SPOCK1: variants seen among roughly 807,000 people sequenced by gnomAD.
The protein encoded by SPOCK1 is SPARC (osteonectin), cwcv and kazal like domains proteoglycan 1, also known as testican-1.
SPOCK1 carries 23 observed loss-of-function variants against 55.3 expected under a neutral mutation model. The observed-to-expected ratio is 0.42, with a 90% CI of 0.30 to 0.59. The LOEUF is 0.59. SPOCK1 is among the 20% of genes least tolerant of loss of function. The pLI, the probability that SPOCK1 is intolerant of heterozygous loss-of-function variation, is 0.22. For missense variants in SPOCK1, 499 were observed against 552.5 expected (o/e 0.90, Z 0.97); for synonymous variants, 226 against 221.0 (o/e 1.02, Z -0.20).
intron 2 of SPOCK1, among the ~76,000 whole-genome samples, chr5:137,272,173 C>A (rs571781337): frequency 2.6e-5 from 4 of 152,260 alleles, no homozygotes; most frequent in South Asian, 2.1e-4. Context: ...AAAACTGCAA[C>A]CTTTAGAAAG....
chr5:137,422,333 C>T (rs1389229884), intron 2 of SPOCK1, among the ~76,000 whole-genome samples: 2 of 152,166 alleles, frequency 1.3e-5, no homozygotes, highest in Non-Finnish European at 2.9e-5. Flanking sequence ...TGTTGGCCTG[C>T]CTTGCTAGAT....
At chr5:137,285,637 A>T (rs1420512549) in intron 2 of SPOCK1, among the ~76,000 whole-genome samples, 3 of 152,238 alleles carry the variant, frequency 2.0e-5, no homozygotes, top group African/African-American at 7.2e-5. Flanking sequence ...TGAGGTTTCT[A>T]CTTAAAGACA....
At chr5:137,393,057 C>A (rs1751760246) in intron 2 of SPOCK1, among the ~76,000 whole-genome samples, 1 of 152,132 alleles carries the variant, frequency 6.6e-6, no homozygotes, top group Non-Finnish European at 1.5e-5. Flanking sequence ...CAATACATAC[C>A]CTTTGTCTTA....
intron 9 of SPOCK1, among the ~76,000 whole-genome samples, chr5:136,981,921 A>G (rs764885079): frequency 2.0e-5 from 3 of 152,212 alleles, no homozygotes; most frequent in Non-Finnish European, 2.9e-5. Context: ...GTTTTAGTCA[A>G]CAATAGACTG....
chr5:137,322,432 A>C (rs1363573181), intron 2 of SPOCK1, among the ~76,000 whole-genome samples: 1 of 152,168 alleles, frequency 6.6e-6, no homozygotes, highest in African/African-American at 2.4e-5. Context: ...TAACAATGGT[A>C]GGTAAATCAC....
intron 4 of SPOCK1, among the ~76,000 whole-genome samples, chr5:137,115,177 C>T (rs1027581550): frequency 8.6e-5 from 13 of 151,948 alleles, no homozygotes; most frequent in African/African-American, 2.2e-4. Flanking sequence ...TGTAGGGTGG[C>T]GGGGTCGGTG....
intron 3 of SPOCK1, among the ~76,000 whole-genome samples, chr5:137,145,426 T>C (rs773454417): frequency 3.9e-5 from 6 of 152,222 alleles, no homozygotes; most frequent in Non-Finnish European, 7.3e-5. Context: ...GCACTCTTCT[T>C]GAGCACATCC....
intron 2 of SPOCK1, among the ~76,000 whole-genome samples, chr5:137,479,625 C>T (rs116301812): frequency 1.4e-3 from 208 of 152,346 alleles, no homozygotes; most frequent in African/African-American, 4.8e-3. Flanking sequence ...GGCCCCACAG[C>T]ACACTCTTCC....
rs147303002 is a variant in SPOCK1 at position 137,309,228 on chromosome 5, G to A, written c.187-42173C>T. On this transcript the variant is annotated intron_variant, in intron 2 of 10. Transcript: ENST00000394945. ...TGTAACACTGAGAGACTCCCAAGGG[G>A]AACAGCTTTCCAAACTGGTTCCTGG... Among the ~76,000 whole-genome samples, 536 of 152,264 alleles carry A rather than the reference G, an allele frequency of 3.5e-3. 4 individuals carry two copies. The highest frequency in any genetic ancestry group is 6.6e-3 in the Non-Finnish European group (447 of 68,024).
At chr5:137,205,523 G>A (rs1028149848) in intron 3 of SPOCK1, among the ~76,000 whole-genome samples, 5 of 152,172 alleles carry the variant, frequency 3.3e-5, no homozygotes, top group Non-Finnish European at 5.9e-5. Context: ...GTGATGAATT[G>A]TCTGAGTCGG....
At chr5:137,381,779 G>A (rs71589359) in intron 2 of SPOCK1, among the ~76,000 whole-genome samples, 2 of 152,226 alleles carry the variant, frequency 1.3e-5, no homozygotes, top group Non-Finnish European at 2.9e-5. Context: ...TAATGGGAGA[G>A]GCTGCCACAA....
At chr5:137,079,041 C>T (rs563541689) in intron 5 of SPOCK1, among the ~76,000 whole-genome samples, 3 of 152,316 alleles carry the variant, frequency 2.0e-5, no homozygotes, top group Admixed American at 1.3e-4. Context: ...TACTCCCCCT[C>T]GGTCTCCTCG....
At chr5:137,418,491 G>T in intron 2 of SPOCK1, among the ~76,000 whole-genome samples, 1 of 151,812 alleles carries the variant, frequency 6.6e-6, no homozygotes, top group Non-Finnish European at 1.5e-5. Context: ...TTTAATGATC[G>T]CCATTCTAAC....
intron 2 of SPOCK1, among the ~76,000 whole-genome samples, chr5:137,468,630 A>G (rs1318794389): frequency 6.6e-6 from 1 of 152,200 alleles, no homozygotes; most frequent in Non-Finnish European, 1.5e-5. Flanking sequence ...TCAGTAGCCA[A>G]TACATACATA....
At chr5:137,468,132 G>A (rs2149838940) in intron 2 of SPOCK1, among the ~76,000 whole-genome samples, 1 of 152,270 alleles carries the variant, frequency 6.6e-6, no homozygotes, top group South Asian at 2.1e-4. Context: ...CTAACCAAAA[G>A]ACACTCACTT....
chr5:137,440,285 A>T (rs954849228), intron 2 of SPOCK1, among the ~76,000 whole-genome samples: 1 of 71,088 alleles, frequency 1.4e-5, no homozygotes, highest in Non-Finnish European at 3.4e-5. Flanking sequence ...AAACTTGAGA[A>T]AAGCTCCTAG....
intron 2 of SPOCK1, among the ~76,000 whole-genome samples, chr5:137,278,654 G>A (rs967224990): frequency 1.3e-5 from 2 of 152,128 alleles, no homozygotes; most frequent in East Asian, 1.9e-4. Context: ...AGGCACTGAC[G>A]CAACTCTGTA....
intron 3 of SPOCK1, among the ~76,000 whole-genome samples, chr5:137,168,156 G>A (rs1199080036): frequency 6.6e-6 from 1 of 151,950 alleles, no homozygotes; most frequent in East Asian, 1.9e-4. Context: ...GAGAAAACTG[G>A]ATATCCATAT....
rs115750887 is a variant in SPOCK1 at position 137,026,062 on chromosome 5, C to T, written c.590-33462G>A. ...GAAGGAAGGCATACAGAGAAACATG[C>T]CTGCAAGAGGCGAGATTCTATATAC... On this transcript the variant is annotated intron_variant, in intron 6 of 10. Transcript: ENST00000394945. Among the ~76,000 whole-genome samples, 1,386 of 152,304 alleles carry T rather than the reference C, an allele frequency of 9.1e-3. 4 individuals are homozygous for T. The highest frequency in any genetic ancestry group is 0.065 in the Middle Eastern group (19 of 294).
Sources: gnomAD v4.1 joint callset for allele counts (sites outside exome capture counted in the v4.1 genomes callset) on GRCh38, gnomAD v4.1.1 for gene constraint, MANE v1.5 for transcripts, NCBI Gene and HGNC (gene_info 2026-07-23, HGNC 2026-07-21) for gene names.